The following VAV3 variants were observed in gnomAD, a reference collection of about 807,000 sequenced individuals.
VAV3 encodes the protein vav guanine nucleotide exchange factor 3, also known as guanine nucleotide exchange factor VAV3.
A neutral mutation model predicts 131.2 loss-of-function variants in VAV3; 94 were observed. The observed-to-expected ratio is 0.72, with a 90% CI of 0.61 to 0.85. VAV3 has a LOEUF of 0.85. Among genes scored for constraint, VAV3 ranks in the 40% least tolerant of loss-of-function variants. VAV3 has a pLI of 0.00. For synonymous variants in VAV3, 349 were observed against 342.0 expected, an observed-to-expected ratio of 1.02 and a Z score of -0.22; for missense variants, 939 against 1,002.7, an observed-to-expected ratio of 0.94 and a Z score of 0.86.
At chr1:107,889,360 T>A (rs182096541) in intron 1 of VAV3, among the ~76,000 whole-genome samples, 9 of 152,122 alleles carry the variant, frequency 5.9e-5, no homozygotes, top group Non-Finnish European at 1.0e-4. Flanking sequence ...CACAGAAATG[T>A]AATGGCATGA....
intron 1 of VAV3, among the ~76,000 whole-genome samples, chr1:107,916,050 C>A (rs1557921463): frequency 6.6e-6 from 1 of 152,100 alleles, no homozygotes; most frequent in Non-Finnish European, 1.5e-5. Context: ...ATGCAAGTGA[C>A]AATCATCAAT....
intron 11 of VAV3, 28 bp downstream of exon 11, chr1:107,757,233 A>T: frequency 6.2e-7 from 1 of 1,602,460 alleles, no homozygotes; most frequent in Non-Finnish European, 8.5e-7. Context: ...TAAAAAATAC[A>T]AACAAATTAC....
intron 20 of VAV3, among the ~76,000 whole-genome samples, chr1:107,624,384 G>C (rs1285703032): frequency 5.7e-5 from 4 of 70,404 alleles, no homozygotes; most frequent in African/African-American, 1.7e-4. Context: ...CTGTGTGTGT[G>C]TGTGTGTGTG....
At chr1:107,730,121 C>T (rs774459175) in intron 15 of VAV3, among the ~76,000 whole-genome samples, 8 of 152,130 alleles carry the variant, frequency 5.3e-5, no homozygotes, top group African/African-American at 1.4e-4. Flanking sequence ...TAATAAGTGA[C>T]GGGTCAAACA....
chr1:107,786,547 A>C (rs1666016522), intron 2 of VAV3, among the ~76,000 whole-genome samples: 1 of 152,234 alleles, frequency 6.6e-6, no homozygotes, highest in Non-Finnish European at 1.5e-5. Flanking sequence ...ATATATGCAC[A>C]TAGAAGAATG....
At chr1:107,636,156 G>A (rs558034769) in intron 20 of VAV3, among the ~76,000 whole-genome samples, 1 of 152,274 alleles carries the variant, frequency 6.6e-6, no homozygotes, top group African/African-American at 2.4e-5. Context: ...ACTTTAACAA[G>A]AAATTATGGA....
At chr1:107,653,508 A>T (rs1656323345) in intron 19 of VAV3, among the ~76,000 whole-genome samples, 1 of 152,026 alleles carries the variant, frequency 6.6e-6, no homozygotes, top group Non-Finnish European at 1.5e-5. Flanking sequence ...GAGGATCCGC[A>T]ATCACCACAA....
At chr1:107,585,539 A>G (rs1650412856) in intron 25 of VAV3, among the ~76,000 whole-genome samples, 1 of 151,260 alleles carries the variant, frequency 6.6e-6, no homozygotes, top group South Asian at 2.1e-4. Context: ...ATCTCCAGCT[A>G]CTCTTCCTCT....
intron 19 of VAV3, among the ~76,000 whole-genome samples, chr1:107,677,178 A>G (rs1658272052): frequency 6.6e-6 from 1 of 152,188 alleles, no homozygotes; most frequent in Non-Finnish European, 1.5e-5. Context: ...CAGGGTTCTA[A>G]TTAATTTGAT....
intron 15 of VAV3, among the ~76,000 whole-genome samples, chr1:107,719,974 C>G (rs141195601): frequency 6.6e-6 from 1 of 152,180 alleles, no homozygotes; most frequent in Non-Finnish European, 1.5e-5. Context: ...AAACCAAACA[C>G]CGCATTTTCT....
At chr1:107,894,203 T>C (rs1671460890) in intron 1 of VAV3, among the ~76,000 whole-genome samples, 2 of 152,258 alleles carry the variant, frequency 1.3e-5, no homozygotes, top group South Asian at 4.1e-4. Flanking sequence ...AATAATGGTA[T>C]ATGTTTATTA....
At chr1:107,890,709 GAATT>G (rs1671271601) in intron 1 of VAV3, among the ~76,000 whole-genome samples, 1 of 152,186 alleles carries the variant, frequency 6.6e-6, no homozygotes, top group South Asian at 2.1e-4. Context: ...TAATTTCAAT[GAATT>G]AAATGTTTTA....
At chr1:107,785,424 G>C (rs1159165774) in intron 2 of VAV3, 3 of 1,330,834 alleles carry the variant, frequency 2.3e-6, no homozygotes, top group Non-Finnish European at 3.0e-6. Flanking sequence ...AACAACCTGG[G>C]TTCAAAAGGA....
intron 15 of VAV3, among the ~76,000 whole-genome samples, chr1:107,739,141 C>T (rs1275013143): frequency 1.3e-5 from 2 of 152,150 alleles, no homozygotes; most frequent in African/African-American, 4.8e-5. Flanking sequence ...CTTCTCCTTC[C>T]TCATAAGCAT....
chr1:107,935,775 T>C (rs1019923570), intron 1 of VAV3, among the ~76,000 whole-genome samples: 1 of 152,126 alleles, frequency 6.6e-6, no homozygotes, highest in African/African-American at 2.4e-5. Flanking sequence ...CCATTACCTA[T>C]GCTGTATTTT....
chr1:107,964,643 G>C (rs376801742), intron 1 of VAV3, 23 bp downstream of exon 1: 2 of 1,605,036 alleles, frequency 1.2e-6, no homozygotes, highest in African/African-American at 2.7e-5. Context: ...CTGGAGGCGG[G>C]GCGCCCGTGC....
intron 19 of VAV3, among the ~76,000 whole-genome samples, chr1:107,649,516 C>T (rs1655998821): frequency 6.6e-6 from 1 of 152,000 alleles, no homozygotes; most frequent in Non-Finnish European, 1.5e-5. Context: ...TTCCCTTCTT[C>T]TAAGGCACTG....
In VAV3 at chr1:107,648,075, C is replaced by A. The variant is rs72703592; in HGVS notation, c.1778-5320G>T. 6.9e-3 allele frequency among the ~76,000 whole-genome samples: 1,053 copies of A among 152,124 alleles called. 3 individuals carry two copies. Among genetic ancestry groups the A allele is most frequent in the Non-Finnish European group, 0.01 (699 of 67,960 alleles). ...CAGAAGCAGGCAATTTGGTGGAAAACAAACTGGTCTAAAGAACTGACTGTT... is the reference window on the plus strand; with the variant it reads ...CAGAAGCAGGCAATTTGGTGGAAAAAAAACTGGTCTAAAGAACTGACTGTT... On this transcript the variant is annotated intron_variant, in intron 19 of 26. Coordinates refer to ENST00000370056, the MANE Select transcript of VAV3 (RefSeq NM_006113.5).
rs1342289951 is a variant in VAV3, at chr1:107,609,747, C to T, written c.2015+184G>A. The T allele has an allele frequency of 4.4e-5, 26 of 594,146 alleles. No homozygotes were observed. The East Asian group carries it at 5.8e-4, about 13-fold the overall frequency. The allele number at this position is 594,146 out of a possible 1,614,324, so 36.8% of individuals were successfully genotyped here. A position where few individuals can be genotyped will look rare whatever the true frequency, so the allele number is the denominator to read the frequency against. ...CACTCGCATGCACACACACCCCCCTCGCAGATAAAGATATGGAAAGGTCAG... is the reference window on the plus strand; with the variant it reads ...CACTCGCATGCACACACACCCCCCTTGCAGATAAAGATATGGAAAGGTCAG... On this transcript the variant is annotated intron_variant, in intron 22 of 26. Coordinates refer to ENST00000370056, the MANE Select transcript of VAV3 (RefSeq NM_006113.5).
Sources: allele counts gnomAD v4.1 joint callset (sites outside exome capture counted in the v4.1 genomes callset), GRCh38; gene constraint gnomAD v4.1.1; transcripts MANE v1.5; gene names NCBI Gene and HGNC (gene_info 2026-07-23, HGNC 2026-07-21).